Variants in KIAA1549L observed in about 807,000 individuals in gnomAD.
KIAA1549L encodes KIAA1549 like, also known as UPF0606 protein KIAA1549L.
In KIAA1549L, 88 loss-of-function variants were observed where a neutral mutation model predicts 160.7. The observed-to-expected ratio is 0.55, with a 90% confidence interval of 0.46 to 0.65. KIAA1549L has a LOEUF of 0.65. Ranked by LOEUF, KIAA1549L falls within the 30% of genes least tolerant of loss-of-function variation. The pLI, the probability that KIAA1549L is intolerant of heterozygous loss-of-function variation, is 0.00. For synonymous variants in KIAA1549L, 950 were observed against 976.7 expected, an observed-to-expected ratio of 0.97 and a Z score of 0.51; for missense variants, 2,258 against 2,437.5, an observed-to-expected ratio of 0.93 and a Z score of 1.55.
At chr11:33,505,457 C>T (rs1171559091) in intron 1 of KIAA1549L, among the ~76,000 whole-genome samples, 1 of 152,256 alleles carries the variant, frequency 6.6e-6, no homozygotes, top group Non-Finnish European at 1.5e-5. Context: ...CTATCCCTAT[C>T]ACATGATGCC....
Position 33,542,645 on chromosome 11 carries a change from T to A in KIAA1549L, c.1082T>A (p.Leu361His). Reference protein sequence around the residue: ...LSHPSPPPPALGSLLQLPDGS... With the variant: ...LSHPSPPPPAHGSLLQLPDGS... Reference sequence around the variant, plus strand: ...CATCCGTCTCCCCCTCCCCCAGCACTTGGAAGTCTTCTTCAGCTTCCAGAT... The same window carrying A: ...CATCCGTCTCCCCCTCCCCCAGCACATGGAAGTCTTCTTCAGCTTCCAGAT... Residue 361 changes from leucine to histidine, a missense_variant, in exon 2 of 21, where the codon CTT (leucine) becomes CAT (histidine). By Grantham distance (99) the Leu-to-His change is moderately conservative (BLOSUM62 -3). Around this residue, in one of 6 missense-constraint regions of KIAA1549L, gnomAD observed 540 missense variants for 465.7 expected, o/e 1.16. Transcript: ENST00000658780. The A allele has an allele frequency of 6.2e-7, 1 of 1,613,784 alleles. No individual in the cohort carries two copies. Among genetic ancestry groups the A allele is most frequent in the Non-Finnish European group, 8.5e-7 (1 of 1,179,828 alleles).
chr11:33,598,981 C>T, intron 13 of KIAA1549L, 34 bp downstream of exon 13: 9 of 1,610,188 alleles, frequency 5.6e-6, no homozygotes, highest in Non-Finnish European at 7.6e-6. Context: ...CCACCCCCAG[C>T]TGCTCCCACG....
At chr11:33,447,932 G>A (rs1027659053) in intron 1 of KIAA1549L, among the ~76,000 whole-genome samples, 1 of 152,124 alleles carries the variant, frequency 6.6e-6, no homozygotes, top group Non-Finnish European at 1.5e-5. Flanking sequence ...TCCAGACAGA[G>A]GAGTTCTCAT....
intron 1 of KIAA1549L, among the ~76,000 whole-genome samples, chr11:33,457,038 T>C (rs2132987210): frequency 6.6e-6 from 1 of 152,250 alleles, no homozygotes; most frequent in East Asian, 1.9e-4. Context: ...CTGGACATTG[T>C]AGTTTGATAC....
intron 17 of KIAA1549L, among the ~76,000 whole-genome samples, chr11:33,646,454 G>A (rs1007154809): frequency 2.0e-5 from 3 of 152,112 alleles, no homozygotes; most frequent in African/African-American, 4.8e-5. Context: ...CAGATGGCTC[G>A]AATTTAAATC....
At chr11:33,574,265 G>A (rs953984765) in intron 9 of KIAA1549L, among the ~76,000 whole-genome samples, 1 of 150,796 alleles carries the variant, frequency 6.6e-6, no homozygotes, top group African/African-American at 2.4e-5. Context: ...TTTCCAAGTA[G>A]TGTTTTTATC....
At chr11:33,471,220 T>C (rs1852171531) in intron 1 of KIAA1549L, among the ~76,000 whole-genome samples, 1 of 112,408 alleles carries the variant, frequency 8.9e-6, no homozygotes, top group South Asian at 2.9e-4. Flanking sequence ...CTCAGAACCT[T>C]TTTTTTTTTT....
In KIAA1549L at chr11:33,606,683, A is replaced by C. The variant is rs377520713; in HGVS notation, c.4922A>C (p.Asn1641Thr). The C allele has an allele frequency of 3.1e-6, 5 of 1,613,648 alleles. No homozygotes were observed. The highest frequency in any genetic ancestry group is 4.2e-6 in the Non-Finnish European group (5 of 1,179,816). Residue 1641 changes from asparagine to threonine, a missense_variant, in exon 14 of 21, where the codon AAC becomes ACC. Transcript: ENST00000658780. ...DEEEGAVLFD[N>T]SSKVAAEPFD... The stretch of plus-strand genomic sequence containing the variant: ...GAGGAGGGAGCGGTTCTATTTGACA[A>C]CTCCAGCAAGGTGGCCGCTGAACCC...
intron 8 of KIAA1549L, among the ~76,000 whole-genome samples, chr11:33,563,388 A>G (rs1438674879): frequency 6.7e-6 from 1 of 149,514 alleles, no homozygotes; most frequent in African/African-American, 2.5e-5. Context: ...GTGGGGGGAC[A>G]CACGTCAGCC....
At chr11:33,442,785 AT>A (rs1416089594) in intron 1 of KIAA1549L, among the ~76,000 whole-genome samples, 1 of 152,140 alleles carries the variant, frequency 6.6e-6, no homozygotes, top group Non-Finnish European at 1.5e-5. Context: ...CCTTCTGGAA[AT>A]CTGGCTAGAC....
At chr11:33,547,409 C>T (rs530518823) in intron 3 of KIAA1549L, among the ~76,000 whole-genome samples, 9 of 152,306 alleles carry the variant, frequency 5.9e-5, no homozygotes, top group Admixed American at 4.6e-4. Context: ...GCCGCAGCAC[C>T]GAGCTCAGGG....
At chr11:33,553,505 A>G (rs898236612) in intron 6 of KIAA1549L, among the ~76,000 whole-genome samples, 13 of 152,218 alleles carry the variant, frequency 8.5e-5, no homozygotes, top group African/African-American at 3.1e-4. Flanking sequence ...AGCCAATATG[A>G]TGTAGAAAGC....
chr11:33,492,416 G>A (rs1440304199), intron 1 of KIAA1549L, among the ~76,000 whole-genome samples: 1 of 152,094 alleles, frequency 6.6e-6, no homozygotes, highest in Non-Finnish European at 1.5e-5. Flanking sequence ...GTGAGTTCAG[G>A]GTGACCTTGA....
rs1852531615 is a variant in KIAA1549L at position 33,667,932 on chromosome 11, C to T, written c.6219C>T (p.Pro2073=). 1.2e-6 allele frequency: 2 copies of T among 1,613,856 alleles called. No individual in the cohort carries two copies. The highest frequency in any genetic ancestry group is 8.5e-7 in the Non-Finnish European group (1 of 1,179,860). The part of the protein sequence containing the change: ...YPRSRYPQSS[P]SRLPRQYSQP... ...GATCACGGTACCCCCAGAGCTCTCC[C>T]TCCAGGCTTCCTCGTCAGTACAGCC... Residue 2073 remains proline (P), a synonymous_variant, in exon 21 of 21, where the codon CCC becomes CCT. Transcript: ENST00000658780.
intron 1 of KIAA1549L, among the ~76,000 whole-genome samples, chr11:33,416,218 C>T (rs1213797387): frequency 6.6e-6 from 1 of 152,150 alleles, no homozygotes; most frequent in Non-Finnish European, 1.5e-5. Context: ...AGATAACGCT[C>T]ATTGGTAACT....
chr11:33,492,030 C>T (rs1422751464), intron 1 of KIAA1549L, among the ~76,000 whole-genome samples: 2 of 152,164 alleles, frequency 1.3e-5, no homozygotes, highest in African/African-American at 4.8e-5. Flanking sequence ...TCTCAAACAT[C>T]TAATGGGACC....
intron 1 of KIAA1549L, among the ~76,000 whole-genome samples, chr11:33,540,806 A>T (rs1854002180): frequency 6.6e-6 from 1 of 152,186 alleles, no homozygotes; most frequent in African/African-American, 2.4e-5. Context: ...GGTGATCAGG[A>T]GACAGTCAGG....
chr11:33,379,094 C>CA (rs886772477), intron 1 of KIAA1549L, among the ~76,000 whole-genome samples: 1 of 152,196 alleles, frequency 6.6e-6, no homozygotes, highest in South Asian at 2.1e-4. Context: ...AGATCTTACT[C>CA]AAAGTGCTGG....
chr11:33,434,693 T>C (rs553762374), intron 1 of KIAA1549L, among the ~76,000 whole-genome samples: 1 of 152,326 alleles, frequency 6.6e-6, no homozygotes, highest in African/African-American at 2.4e-5. Context: ...ATGAGGAATG[T>C]GTTGCCTCCA....
Sources: allele counts gnomAD v4.1 joint callset (sites outside exome capture counted in the v4.1 genomes callset), GRCh38; gene constraint gnomAD v4.1.1; regional missense constraint gnomAD v4.1.1; transcripts MANE v1.5; gene names NCBI Gene and HGNC (gene_info 2026-07-23, HGNC 2026-07-21).